CMYA5: variants seen among roughly 807,000 people sequenced by gnomAD.
CMYA5 encodes cardiomyopathy associated 5, also known as cardiomyopathy-associated protein 5.
CMYA5 carries 246 observed loss-of-function variants against 318.9 expected under a neutral mutation model. The observed-to-expected ratio is 0.77, with a 90% CI of 0.70 to 0.86. The LOEUF (loss-of-function observed/expected upper bound fraction) is 0.86, where lower values mean the gene tolerates loss of function less well. Among genes scored for constraint, CMYA5 ranks in the 40% least tolerant of loss-of-function variants. The pLI is 0.00. For synonymous variants in CMYA5, 1,641 were observed against 1,729.5 expected (o/e 0.95, Z 1.27); for missense variants, 4,589 against 4,678.2 (o/e 0.98, Z 0.56).
chr5:79,793,629 T>A lies in CMYA5; in HGVS notation c.11963+19T>A. On this transcript the variant is annotated intron_variant, in intron 12 of 12. Coordinates refer to ENST00000446378, the MANE Select transcript of CMYA5 (RefSeq NM_153610.5). The stretch of plus-strand genomic sequence containing the variant: ...CACAGAGGTAAGCGAGCCCTTCCCC[T>A]CCCCTCTTCATCAAAATATTATGCT... 1.3e-6 allele frequency: 2 copies of A among 1,577,784 alleles called. No homozygotes were observed. Among genetic ancestry groups the A allele is most frequent in the Non-Finnish European group, 1.7e-6 (2 of 1,152,484 alleles).
chr5:79,778,938 G>A (rs1157676592), intron 9 of CMYA5, among the ~76,000 whole-genome samples: 1 of 110,388 alleles, frequency 9.1e-6, no homozygotes, highest in South Asian at 3.2e-4. Context: ...TATACTCTAA[G>A]TTTTAGGGTA....
At chr5:79,750,917 T>G (rs192499705) in intron 5 of CMYA5, among the ~76,000 whole-genome samples, 104 of 152,286 alleles carry the variant, frequency 6.8e-4, no homozygotes, top group East Asian at 2.1e-3. Flanking sequence ...CTACAAAATG[T>G]CCTACATTAA....
chr5:79,756,425 A>G (rs1364302738), intron 6 of CMYA5, among the ~76,000 whole-genome samples: 1 of 152,164 alleles, frequency 6.6e-6, no homozygotes, highest in East Asian at 1.9e-4. Context: ...AGCACTGGTT[A>G]TCTGTCAGCC....
chr5:79,737,767 A>G lies in CMYA5; in HGVS notation c.9002A>G (p.His3001Arg). 1.2e-6 allele frequency: 2 copies of G among 1,611,478 alleles called. No homozygotes were observed. Among genetic ancestry groups the G allele is most frequent in the East Asian group, 2.2e-5 (1 of 44,860 alleles). The change falls in exon 2 of 13, where the codon CAT becomes CGT. Residue 3001 changes from histidine (H) to arginine (R), a missense_variant. Physicochemically the swap from His to Arg is conservative, Grantham distance 29 (BLOSUM62 0). This residue lies in a region of CMYA5 where 2,431 missense variants were observed against 2,495.1 expected (regional missense o/e 0.97). Coordinates refer to ENST00000446378, the MANE Select transcript of CMYA5 (RefSeq NM_153610.5). Reference sequence around the variant, plus strand: ...GATGATAGTGAAACAGTTGCTTGTCATAAAACATTAAAGAGCAGGTTAGAA... The same window carrying G: ...GATGATAGTGAAACAGTTGCTTGTCGTAAAACATTAAAGAGCAGGTTAGAA... ...LPDDSETVACHKTLKSRLEDE... is the reference protein window; with the variant it reads ...LPDDSETVACRKTLKSRLEDE...
chr5:79,748,841 A>G (rs1164687996), intron 5 of CMYA5, among the ~76,000 whole-genome samples: 1 of 152,158 alleles, frequency 6.6e-6, no homozygotes, highest in Non-Finnish European at 1.5e-5. Context: ...AATATTATTG[A>G]CATTTCTTTT....
In CMYA5 at chr5:79,734,688, T is replaced by C; in HGVS notation, c.5923T>C (p.Leu1975=). The C allele has an allele frequency of 6.2e-7, 1 of 1,613,864 alleles. No homozygotes were observed. The highest frequency in any genetic ancestry group is 8.5e-7 in the Non-Finnish European group (1 of 1,179,820). ...TACTTCCAGTGGTAATACAGAGACCTTATCAAGTAAAAGTTACTCTTCTGA... is the reference window on the plus strand; with the variant it reads ...TACTTCCAGTGGTAATACAGAGACCCTATCAAGTAAAAGTTACTCTTCTGA... The part of the protein sequence containing the change: ...LDTSSGNTET[L]SSKSYSSEEV... Residue 1975 remains leucine, a synonymous_variant, in exon 2 of 13, where the codon TTA becomes CTA. Coordinates refer to ENST00000446378, the MANE Select transcript of CMYA5 (RefSeq NM_153610.5).
intron 3 of CMYA5, among the ~76,000 whole-genome samples, chr5:79,744,875 C>T (rs1427778538): frequency 6.6e-6 from 1 of 152,160 alleles, no homozygotes; most frequent in Admixed American, 6.5e-5. Context: ...GATGCATTTC[C>T]ACCATCTGAA....
chr5:79,742,304 A>G (rs1027175024), intron 2 of CMYA5, among the ~76,000 whole-genome samples: 1 of 151,858 alleles, frequency 6.6e-6, no homozygotes, highest in Non-Finnish European at 1.5e-5. Context: ...CTCTCGCCTC[A>G]GCCTCCTGAC....
intron 6 of CMYA5, among the ~76,000 whole-genome samples, chr5:79,756,815 G>A (rs1191162986): frequency 2.6e-5 from 4 of 151,622 alleles, no homozygotes; most frequent in Non-Finnish European, 5.9e-5. Context: ...CATAAAATTT[G>A]GCCCATATTA....
rs746040123 is a variant in CMYA5, at chr5:79,789,048, C to T, written c.11633C>T (p.Ala3878Val). ...PNDNYFFYVR[A>V]INAFGTSEQS... ...GATAACTACTTTTTCTATGTGAGGG[C>T]CATCAATGCATTTGGGACAAGTGAA... The change falls in exon 10 of 13, where the codon GCC (alanine) becomes GTC (valine). Residue 3878 changes from alanine (A) to valine (V), a missense_variant. This residue lies in a region of CMYA5 where 2,431 missense variants were observed against 2,495.1 expected (regional missense o/e 0.97). Transcript: ENST00000446378. 6.2e-7 allele frequency: 1 copy of T among 1,613,886 alleles called. No individual in the cohort carries two copies. Among genetic ancestry groups the T allele is most frequent in the Admixed American group, 1.7e-5 (1 of 60,014 alleles).
Position 79,788,036 on chromosome 5 carries a change from C to T in CMYA5, c.11556-935C>T, listed in dbSNP as rs1490732592. Among the ~76,000 whole-genome samples, 4 of 152,016 alleles carry T rather than the reference C, an allele frequency of 2.6e-5. No individual in the cohort carries two copies. In the East Asian group the frequency reaches 7.7e-4, roughly 29 times the overall value. ...AAAAAACAAAGACAAACAAAAAACC[C>T]TACCCTTCTGAGAATGAACATGAAG... On this transcript the variant is annotated intron_variant, in intron 9 of 12. Coordinates refer to ENST00000446378, the MANE Select transcript of CMYA5 (RefSeq NM_153610.5).
At chr5:79,793,863 C>A (rs1159373669) in intron 12 of CMYA5, among the ~76,000 whole-genome samples, 1 of 152,220 alleles carries the variant, frequency 6.6e-6, no homozygotes, top group African/African-American at 2.4e-5. Context: ...CAGACTTACC[C>A]AACCAGAGCC....
Position 79,736,958 on chromosome 5 carries a change from T to C in CMYA5, c.8193T>C (p.His2731=), listed in dbSNP as rs1828086017. ...KTFLPVVLSC[H]DEIENHSLSQ... ...TCCTGCCAGTGGTTCTTTCTTGTCA[T>C]GATGAAATAGAGAACCACTCTTTGT... Residue 2731 remains histidine (H), a synonymous_variant, in exon 2 of 13, where the codon CAT becomes CAC. Transcript: ENST00000446378. The C allele has an allele frequency of 6.2e-7, 1 of 1,612,978 alleles. No homozygotes were observed. Among genetic ancestry groups the C allele is most frequent in the Non-Finnish European group, 8.5e-7 (1 of 1,179,734 alleles).
At chr5:79,713,149 C>T (rs72768877) in intron 1 of CMYA5, among the ~76,000 whole-genome samples, 1,579 of 152,298 alleles carry the variant, frequency 0.01, 8 homozygotes, top group Non-Finnish European at 0.017. Context: ...AGTCTGCCTT[C>T]ACCAGTGGTT....
At chr5:79,773,696 G>GTGAATGAA (rs148088756) in intron 9 of CMYA5, among the ~76,000 whole-genome samples, 24 of 152,114 alleles carry the variant, frequency 1.6e-4, no homozygotes, top group African/African-American at 3.6e-4. Flanking sequence ...TCACGAATGA[G>GTGAATGAA]TGAATGAATG....
In CMYA5 at chr5:79,734,095, A is replaced by G. The variant is rs764697935; in HGVS notation, c.5330A>G (p.Asn1777Ser). ...ATAGGCCCATTACCACCAACTGGAA[A>G]TTTGAAGGCACAAGTCATGGGAGAT... ...QEIGPLPPTGNLKAQVMGDIL... is the reference protein window; with the variant it reads ...QEIGPLPPTGSLKAQVMGDIL... Residue 1777 changes from asparagine to serine, a missense_variant, in exon 2 of 13, where the codon AAT becomes AGT. Coordinates refer to ENST00000446378, the MANE Select transcript of CMYA5 (RefSeq NM_153610.5). 1.2e-6 allele frequency: 2 copies of G among 1,613,816 alleles called. No homozygotes were observed. The highest frequency in any genetic ancestry group is 1.7e-6 in the Non-Finnish European group (2 of 1,179,824).
chr5:79,690,442 T>A (rs1335425450), intron 1 of CMYA5, among the ~76,000 whole-genome samples: 1 of 152,140 alleles, frequency 6.6e-6, no homozygotes, highest in East Asian at 1.9e-4. Context: ...GGCGCACTGG[T>A]ACCTTCCGAT....
At position 79,737,793 on chromosome 5, in the gene CMYA5, G is replaced by A. The variant is rs1482253805; in HGVS notation, c.9028G>A (p.Asp3010Asn). 5 of 1,610,568 alleles carry A rather than the reference G, an allele frequency of 3.1e-6. No individual in the cohort carries two copies. The highest frequency in any genetic ancestry group is 3.4e-6 in the Non-Finnish European group (4 of 1,179,180). Residue 3010 changes from aspartate (D) to asparagine (N), a missense_variant, in exon 2 of 13, where the codon GAT becomes AAT. Transcript: ENST00000446378. ...CHKTLKSRLE[D>N]EKVTPLKENK... ...TAAAACATTAAAGAGCAGGTTAGAA[G>A]ATGAAAAAGTTACCCCATTGAAAGA...
chr5:79,708,360 G>A (rs28578083), intron 1 of CMYA5, among the ~76,000 whole-genome samples: 2,245 of 151,814 alleles, frequency 0.015, 24 homozygotes, highest in Non-Finnish European at 0.021. Flanking sequence ...GGTGGCTCAC[G>A]CCTGTAATCT....
Sources: allele counts gnomAD v4.1 joint callset (sites outside exome capture counted in the v4.1 genomes callset), GRCh38; gene constraint gnomAD v4.1.1; regional missense constraint gnomAD v4.1.1; transcripts MANE v1.5; gene names NCBI Gene and HGNC (gene_info 2026-07-23, HGNC 2026-07-21).